GALNT14: variants seen among roughly 807,000 people sequenced by gnomAD.
GALNT14 encodes UDP-GalNAc:polypeptide N-acetylgalactosaminyltransferase 14.
A neutral mutation model predicts 77.5 loss-of-function variants in GALNT14; 60 were observed. The observed-to-expected ratio is 0.77, with a 90% CI of 0.63 to 0.96. GALNT14 has a LOEUF of 0.96. Among genes scored for constraint, GALNT14 ranks in the 40% least tolerant of loss-of-function variants. GALNT14 has a pLI of 0.00. For missense variants in GALNT14, 710 were observed against 731.0 expected, an observed-to-expected ratio of 0.97 and a Z score of 0.33; for synonymous variants, 280 against 281.7, an observed-to-expected ratio of 0.99 and a Z score of 0.06.
intron 1 of GALNT14, among the ~76,000 whole-genome samples, chr2:31,029,320 C>T (rs1672267828): frequency 6.6e-6 from 1 of 152,190 alleles, no homozygotes; most frequent in Admixed American, 6.5e-5. Flanking sequence ...CCTCTACATT[C>T]ACTGTCACAG....
At chr2:30,936,324 T>C (rs909185278) in intron 9 of GALNT14, among the ~76,000 whole-genome samples, 6 of 152,054 alleles carry the variant, frequency 3.9e-5, no homozygotes, top group East Asian at 3.9e-4. Flanking sequence ...GGAGCAGCTT[T>C]CTCTCCAGGA....
chr2:31,076,631 T>A (rs200475526), intron 1 of GALNT14, among the ~76,000 whole-genome samples: 14,064 of 112,212 alleles, frequency 0.13, 651 homozygotes, highest in African/African-American at 0.17. Flanking sequence ...ATATATATAT[T>A]TTTTTTTTTT....
chr2:31,034,847 T>G (rs1490584640), intron 1 of GALNT14, among the ~76,000 whole-genome samples: 1 of 152,258 alleles, frequency 6.6e-6, no homozygotes, highest in Admixed American at 6.5e-5. Context: ...GATTTCTTCT[T>G]TAACCTATTA....
At chr2:31,037,662 T>G (rs1672825030) in intron 1 of GALNT14, among the ~76,000 whole-genome samples, 1 of 152,204 alleles carries the variant, frequency 6.6e-6, no homozygotes, top group Non-Finnish European at 1.5e-5. Flanking sequence ...TTTGCTAATA[T>G]TTGTGGTTGC....
At chr2:30,994,830 T>C (rs1040730835) in intron 1 of GALNT14, among the ~76,000 whole-genome samples, 6 of 152,138 alleles carry the variant, frequency 3.9e-5, no homozygotes, top group African/African-American at 1.4e-4. Flanking sequence ...GATGTGGAGC[T>C]GGAAGGCCCC....
At chr2:30,921,378 CACA>C (rs1001174510) in intron 13 of GALNT14, among the ~76,000 whole-genome samples, 2 of 152,254 alleles carry the variant, frequency 1.3e-5, no homozygotes, top group Non-Finnish European at 1.5e-5. Context: ...GTCCCCTACT[CACA>C]ACATTTTGCA....
intron 2 of GALNT14, among the ~76,000 whole-genome samples, chr2:30,971,275 G>A (rs544046540): frequency 1.5e-4 from 23 of 152,252 alleles, no homozygotes; most frequent in East Asian, 1.4e-3. Flanking sequence ...GAGCTCTGGC[G>A]CCAGCAGACA....
At chr2:31,023,680 C>T (rs10197865) in intron 1 of GALNT14, among the ~76,000 whole-genome samples, 72,320 of 151,786 alleles carry the variant, frequency 0.48, 17,973 homozygotes, top group African/African-American at 0.62. Flanking sequence ...CTGACTCTCA[C>T]CCTGCTTGAT....
intron 9 of GALNT14, among the ~76,000 whole-genome samples, chr2:30,935,472 G>A (rs1045773014): frequency 9.9e-5 from 15 of 152,198 alleles, no homozygotes; most frequent in Non-Finnish European, 2.1e-4. Flanking sequence ...CTGCCGCCCA[G>A]AGGAACCTGC....
In GALNT14 at chr2:30,984,177, C is replaced by T. The variant is rs79453184; in HGVS notation, c.299+8661G>A. Among the ~76,000 whole-genome samples the T allele has an allele frequency of 6.1e-3, 934 of 152,330 alleles. 4 individuals are homozygous for T. Among genetic ancestry groups the T allele is most frequent in the African/African-American group, 0.021 (893 of 41,576 alleles). On this transcript the variant is annotated intron_variant, in intron 2 of 14. Transcript: ENST00000349752. The stretch of plus-strand genomic sequence containing the variant: ...AGCTCCTGCTTCTCACTGTTCCTGC[C>T]TCACTTCAGAACGAACTCCCCAGTG...
the GALNT14 span, among the ~76,000 whole-genome samples, chr2:30,897,114 GC>G: frequency 6.6e-6 from 1 of 152,024 alleles, no homozygotes; most frequent in Non-Finnish European, 1.5e-5. Context: ...AGCTTTACCT[GC>G]CCCCCACTTT....
At chr2:30,901,562 T>C in the GALNT14 span, among the ~76,000 whole-genome samples, 1 of 151,668 alleles carries the variant, frequency 6.6e-6, no homozygotes, top group African/African-American at 2.4e-5. Context: ...ATGTATATGC[T>C]CATATATGTG....
chr2:30,970,654 T>C (rs1051218662), intron 2 of GALNT14, among the ~76,000 whole-genome samples: 4 of 152,074 alleles, frequency 2.6e-5, no homozygotes, highest in African/African-American at 9.7e-5. Context: ...AGTAATGGCT[T>C]ACTGAGCCAT....
chr2:30,905,492 G>C (rs562014790), downstream of GALNT14, among the ~76,000 whole-genome samples: 1 of 152,050 alleles, frequency 6.6e-6, no homozygotes, highest in South Asian at 2.1e-4. Context: ...GAAATGAAGC[G>C]AGACGGCAAG....
chr2:31,137,217 T>C (rs1435152387), intron 1 of GALNT14, among the ~76,000 whole-genome samples: 5 of 152,242 alleles, frequency 3.3e-5, no homozygotes, highest in Admixed American at 2.0e-4. Flanking sequence ...AAGTTTTCCC[T>C]TTCCCCCTAC....
intron 3 of GALNT14, among the ~76,000 whole-genome samples, chr2:30,964,619 T>A (rs1667885244): frequency 6.6e-6 from 1 of 152,214 alleles, no homozygotes; most frequent in Non-Finnish European, 1.5e-5. Flanking sequence ...GATGGGCACG[T>A]GGCTGGAGGA....
At chr2:31,012,806 A>C (rs2148444701) in intron 1 of GALNT14, among the ~76,000 whole-genome samples, 1 of 152,332 alleles carries the variant, frequency 6.6e-6, no homozygotes, top group African/African-American at 2.4e-5. Flanking sequence ...CACACACAAA[A>C]CAAAAACCCC....
the GALNT14 span, among the ~76,000 whole-genome samples, chr2:30,905,415 C>A: frequency 2.0e-5 from 3 of 151,868 alleles, no homozygotes; most frequent in African/African-American, 7.3e-5. Flanking sequence ...GTGAAGAATG[C>A]AGAAGCCTCA....
intron 10 of GALNT14, among the ~76,000 whole-genome samples, chr2:30,931,268 C>A (rs1176713274): frequency 1.3e-5 from 2 of 151,756 alleles, no homozygotes; most frequent in African/African-American, 4.8e-5. Flanking sequence ...CCCAATGGAC[C>A]AAATGACAGA....
Sources: gnomAD v4.1 joint callset for allele counts (sites outside exome capture counted in the v4.1 genomes callset) on GRCh38, gnomAD v4.1.1 for gene constraint, MANE v1.5 for transcripts, NCBI Gene and HGNC (gene_info 2026-07-23, HGNC 2026-07-21) for gene names.